The following ZFAT variants were observed in gnomAD, a reference collection of about 807,000 sequenced individuals.
ZFAT encodes the protein zinc finger protein ZFAT.
In ZFAT, 64 loss-of-function variants were observed where a neutral mutation model predicts 117.7. That is an observed-to-expected ratio of 0.54 (90% CI 0.44 to 0.67). The LOEUF is 0.67. Among genes scored for constraint, ZFAT ranks in the 30% least tolerant of loss-of-function variants. ZFAT has a pLI of 0.00. For synonymous variants in ZFAT, 679 were observed against 615.0 expected, an observed-to-expected ratio of 1.10 and a Z score of -1.54; for missense variants, 1,433 against 1,584.5, an observed-to-expected ratio of 0.90 and a Z score of 1.62.
the ZFAT span, among the ~76,000 whole-genome samples, chr8:134,762,942 A>G: frequency 6.6e-6 from 1 of 152,120 alleles, no homozygotes; most frequent in South Asian, 2.1e-4. Context: ...CCTGAATGCA[A>G]CTGCTGCTCA....
chr8:134,757,557 A>T, the ZFAT span, among the ~76,000 whole-genome samples: 2 of 152,146 alleles, frequency 1.3e-5, no homozygotes, highest in Non-Finnish European at 2.9e-5. Flanking sequence ...TGTCACTGGC[A>T]GTGAATTGGG....
the ZFAT span, among the ~76,000 whole-genome samples, chr8:134,800,797 C>A: frequency 6.6e-6 from 1 of 151,918 alleles, no homozygotes; most frequent in African/African-American, 2.4e-5. Flanking sequence ...GAAGTGGGGG[C>A]GTGTCCAGGG....
At chr8:134,519,987 T>G (rs1820531749) in intron 13 of ZFAT, among the ~76,000 whole-genome samples, 1 of 152,238 alleles carries the variant, frequency 6.6e-6, no homozygotes, top group Non-Finnish European at 1.5e-5. Flanking sequence ...ACTTGTGCCT[T>G]GCATTCCAGA....
At chr8:134,671,433 G>T (rs1042316866) in intron 1 of ZFAT, among the ~76,000 whole-genome samples, 1 of 152,204 alleles carries the variant, frequency 6.6e-6, no homozygotes, top group African/African-American at 2.4e-5. Context: ...TCCCTGGGAT[G>T]CAAGGCTGGT....
At chr8:134,782,783 CTTTTTCTTTATAAATTACCCA>C in the ZFAT span, among the ~76,000 whole-genome samples, 3 of 132,386 alleles carry the variant, frequency 2.3e-5, no homozygotes, top group African/African-American at 7.5e-5. Context: ...CATTAAACCT[CTTTTTCTTTATAAATTACCCA>C]GTCTCGGGTA....
At chr8:134,798,213 A>G in the ZFAT span, 3 of 151,994 alleles carry the variant, frequency 2.0e-5, no homozygotes, top group African/African-American at 4.8e-5. Flanking sequence ...CCAAATAATT[A>G]TAAGATACCA....
chr8:134,496,972 G>A (rs59137204), intron 15 of ZFAT, among the ~76,000 whole-genome samples: 30,722 of 152,250 alleles, frequency 0.2, 3,388 homozygotes, highest in Non-Finnish European at 0.25. Context: ...GGGTTATCCT[G>A]ACATGCAGGG....
chr8:134,519,623 T>C (rs1336881817), intron 13 of ZFAT, among the ~76,000 whole-genome samples: 2 of 152,278 alleles, frequency 1.3e-5, no homozygotes, highest in Non-Finnish European at 2.9e-5. Flanking sequence ...TCCTATTATA[T>C]GTATAGAGAG....
Position 134,602,756 on chromosome 8 carries a change from G to A in ZFAT, c.963C>T (p.His321=), listed in dbSNP as rs770060878. 1.2e-5 allele frequency: 20 copies of A among 1,613,766 alleles called. No individual in the cohort carries two copies. The South Asian group carries it at 1.9e-4, about 15-fold the overall frequency. The change falls in exon 6 of 16, where the codon CAC becomes CAT. Residue 321 remains histidine (H), a synonymous_variant. Transcript: ENST00000377838. The part of the protein sequence containing the change: ...KANLNVHLRK[H]TGEKFACDYC... ...AGTCGCAGGCGAACTTCTCTCCAGT[G>A]TGCTTGCGCAGGTGCACATTGAGGT...
the ZFAT span, among the ~76,000 whole-genome samples, chr8:134,752,151 C>T: frequency 6.6e-6 from 1 of 152,208 alleles, no homozygotes; most frequent in African/African-American, 2.4e-5. Context: ...TCACTGCTCA[C>T]CTTTGCAGAT....
intron 1 of ZFAT, among the ~76,000 whole-genome samples, chr8:134,692,062 G>T (rs1586959073): frequency 6.6e-6 from 1 of 152,198 alleles, no homozygotes; most frequent in South Asian, 2.1e-4. Flanking sequence ...CTCCATGTTG[G>T]TCAGGCTGGT....
chr8:134,671,200 C>T (rs1356289330), intron 1 of ZFAT, among the ~76,000 whole-genome samples: 1 of 152,212 alleles, frequency 6.6e-6, no homozygotes, highest in Non-Finnish European at 1.5e-5. Context: ...ACCATTCATT[C>T]TGAAACTGTT....
chr8:134,583,536 C>A (rs2130847678), intron 10 of ZFAT, among the ~76,000 whole-genome samples: 1 of 152,234 alleles, frequency 6.6e-6, no homozygotes, highest in Middle Eastern at 3.4e-3. Context: ...ACTTCGGAAC[C>A]ATGGATCAAG....
At chr8:134,805,279 A>G in the ZFAT span, among the ~76,000 whole-genome samples, 606 of 151,826 alleles carry the variant, frequency 4.0e-3, 5 homozygotes, top group African/African-American at 0.014. Flanking sequence ...TCAAAATAGT[A>G]AACACATTAG....
chr8:134,723,282 C>T, the ZFAT span: 2 of 152,268 alleles, frequency 1.3e-5, no homozygotes, highest in Non-Finnish European at 2.9e-5. Flanking sequence ...TATCACATCG[C>T]TCCACCTCAG....
At chr8:134,735,780 A>G in the ZFAT span, among the ~76,000 whole-genome samples, 37 of 152,312 alleles carry the variant, frequency 2.4e-4, no homozygotes, top group African/African-American at 8.7e-4. Flanking sequence ...CTATGACAGT[A>G]TTATACCATT....
At chr8:134,792,866 T>C in the ZFAT span, 41 of 152,360 alleles carry the variant, frequency 2.7e-4, no homozygotes, top group East Asian at 7.1e-3. Context: ...TAATAGCACT[T>C]ATTAATTCAT....
chr8:134,611,466 C>A (rs567280585), intron 3 of ZFAT, among the ~76,000 whole-genome samples: 3 of 152,148 alleles, frequency 2.0e-5, no homozygotes, highest in Non-Finnish European at 2.9e-5. Context: ...CAGGGGAGGG[C>A]GTCAGAGCTG....
At chr8:134,682,861 T>C (rs895516974) in intron 1 of ZFAT, among the ~76,000 whole-genome samples, 1 of 152,108 alleles carries the variant, frequency 6.6e-6, no homozygotes, top group African/African-American at 2.4e-5. Flanking sequence ...TGAGCTCACT[T>C]CTATGGCAGC....
Sources: allele counts gnomAD v4.1 joint callset (sites outside exome capture counted in the v4.1 genomes callset), GRCh38; gene constraint gnomAD v4.1.1; transcripts MANE v1.5; gene names NCBI Gene and HGNC (gene_info 2026-07-23, HGNC 2026-07-21).